The following CACNA1A variants were observed in gnomAD, a reference collection of about 807,000 sequenced individuals.
CACNA1A encodes the protein calcium voltage-gated channel subunit alpha1 A.
In CACNA1A, 57 loss-of-function variants were observed where a neutral mutation model predicts 262.4. The ratio of observed to expected loss-of-function variants is 0.22; its 90% CI spans 0.18 to 0.27. The LOEUF (loss-of-function observed/expected upper bound fraction) is 0.27. CACNA1A is among the 10% of genes least tolerant of loss of function. The pLI, the probability that CACNA1A is intolerant of heterozygous loss-of-function variation, is 1.00. For synonymous variants in CACNA1A, 1,431 were observed against 1,419.3 expected (o/e 1.01, Z -0.18); for missense variants, 2,526 against 3,562.8 (o/e 0.71, Z 7.41).
chr19:13,339,039 T>C (rs1190848394), intron 6 of CACNA1A, among the ~76,000 whole-genome samples: 1 of 152,112 alleles, frequency 6.6e-6, no homozygotes, highest in Non-Finnish European at 1.5e-5. Context: ...CTAATTTTTG[T>C]ATTTTTAGTA....
rs770936656 is a variant in CACNA1A at position 13,228,790 on chromosome 19, C to T, written c.5529-1263G>A. On this transcript the variant is annotated intron_variant, in intron 36 of 46. Transcript: ENST00000360228. ...ACTGTACATATCCTTATAATGAATCCGACCGCTGAAAGGAGAAGAAAGGGG... is the reference window on the plus strand; with the variant it reads ...ACTGTACATATCCTTATAATGAATCTGACCGCTGAAAGGAGAAGAAAGGGG... 5.7e-6 allele frequency: 9 copies of T among 1,579,890 alleles called. No homozygotes were observed. Among genetic ancestry groups the T allele is most frequent in the African/African-American group, 1.4e-5 (1 of 73,142 alleles).
At chr19:13,429,486 CCCCCTCACTGTG>C (rs2060466485) in intron 3 of CACNA1A, among the ~76,000 whole-genome samples, 1 of 150,654 alleles carries the variant, frequency 6.6e-6, no homozygotes, top group African/African-American at 2.4e-5. Flanking sequence ...AGATGTGTGC[CCCCCTCACTGTG>C]CCCCTCACTC....
chr19:13,294,215 AAAAAC>A (rs2057610287), intron 19 of CACNA1A, among the ~76,000 whole-genome samples: 2 of 149,616 alleles, frequency 1.3e-5, no homozygotes, highest in South Asian at 2.2e-4. Flanking sequence ...AAAAAAAAAA[AAAAAC>A]AAACAAAACC....
rs1249140005 is a variant in CACNA1A, at chr19:13,212,791, C to T, written c.5941-51G>A. 7.1e-5 allele frequency: 64 copies of T among 900,362 alleles called. No homozygotes were observed. The highest frequency in any genetic ancestry group is 1.8e-4 in the Admixed American group (6 of 33,712). The allele number at this position is 900,362 out of a possible 1,614,324, so 55.8% of individuals were successfully genotyped here. A position where few individuals can be genotyped will look rare whatever the true frequency, so the allele number is the denominator to read the frequency against. On this transcript the variant is annotated intron_variant, in intron 40 of 46. Transcript: ENST00000360228. The surrounding 1 kb of genome is among the most constrained non-coding windows in gnomAD (Gnocchi z 5.6). ...TGTGGACAAGGGTGGGGTGGTGGGA[C>T]GGTGGTACCCAGAAGGCATTGCGAC...
At chr19:13,382,961 C>T (rs2059548193) in intron 3 of CACNA1A, among the ~76,000 whole-genome samples, 1 of 152,076 alleles carries the variant, frequency 6.6e-6, no homozygotes. Context: ...GAACTCGAAC[C>T]CCAGACCAGC....
intron 1 of CACNA1A, among the ~76,000 whole-genome samples, chr19:13,472,365 A>T (rs985824233): frequency 2.0e-5 from 3 of 152,084 alleles, no homozygotes; most frequent in African/African-American, 7.2e-5. Context: ...ATGTATATAT[A>T]TTTAAAGTAA....
intron 19 of CACNA1A, among the ~76,000 whole-genome samples, chr19:13,289,545 G>A (rs867294603): frequency 1.1e-4 from 17 of 152,134 alleles, no homozygotes; most frequent in South Asian, 8.3e-4. Flanking sequence ...AACAGGAGTA[G>A]AACCTTCCCC....
At chr19:13,253,779 A>C (rs958421934) in intron 29 of CACNA1A, among the ~76,000 whole-genome samples, 1 of 150,790 alleles carries the variant, frequency 6.6e-6, no homozygotes, top group Non-Finnish European at 1.5e-5. Flanking sequence ...TCACTCTGTT[A>C]CCCAGGCTGG....
At chr19:13,383,374 G>A (rs1488534554) in intron 3 of CACNA1A, among the ~76,000 whole-genome samples, 4 of 152,188 alleles carry the variant, frequency 2.6e-5, no homozygotes, top group African/African-American at 4.8e-5. Flanking sequence ...AGATGGGGAA[G>A]ATGGAGGAAG....
At chr19:13,332,979 CT>C in intron 8 of CACNA1A, 54 bp from the exon 9 acceptor site, 1 of 1,409,908 alleles carries the variant, frequency 7.1e-7, no homozygotes, top group Non-Finnish European at 1.0e-6. Context: ...TGAGTTCTCC[CT>C]TGGACCAGGA....
Position 13,208,035 on chromosome 19 carries a change from C to G in CACNA1A, c.6799G>C (p.Gly2267Arg), listed in dbSNP as rs1394799665. Reference protein sequence around the residue: ...AHRQGSSSVSGSPAPSTSGTS... With the variant: ...AHRQGSSSVSRSPAPSTSGTS... ...CCAGATGTTGAGGGGGCTGGGCTTC[C>G]ACTTACGGAACTACTGCCCTACACG... is the stretch of plus-strand genomic sequence containing the variant. Residue 2267 changes from glycine (G) to arginine (R), a missense_variant, in exon 47 of 47, where the codon GGA becomes CGA. By Grantham distance (125) the Gly-to-Arg change is moderately radical. Transcript: ENST00000360228. 7.7e-7 allele frequency: 1 copy of G among 1,300,926 alleles called. No homozygotes were observed. Among genetic ancestry groups the G allele is most frequent in the Non-Finnish European group, 9.7e-7 (1 of 1,029,006 alleles). The allele number at this position is 1,300,926 out of a possible 1,614,324, so 80.6% of individuals were successfully genotyped here.
At chr19:13,485,760 C>A (rs1173097273) in intron 1 of CACNA1A, among the ~76,000 whole-genome samples, 1 of 152,196 alleles carries the variant, frequency 6.6e-6, no homozygotes, top group Non-Finnish European at 1.5e-5. Context: ...TCACCCACCA[C>A]CGGCAGGAGT....
chr19:13,461,335 G>A (rs938668747), intron 1 of CACNA1A, among the ~76,000 whole-genome samples: 10 of 129,892 alleles, frequency 7.7e-5, no homozygotes, highest in South Asian at 2.6e-4. Context: ...ACGAGACTCC[G>A]TCTCAAAAAC....
chr19:13,306,961 C>A (rs1000227534), intron 15 of CACNA1A, among the ~76,000 whole-genome samples: 1 of 152,010 alleles, frequency 6.6e-6, no homozygotes, highest in Non-Finnish European at 1.5e-5. Flanking sequence ...GTGAGTATAA[C>A]AAACTTTCTT....
At chr19:13,453,719 C>T (rs2060956507) in intron 2 of CACNA1A, among the ~76,000 whole-genome samples, 1 of 152,218 alleles carries the variant, frequency 6.6e-6, no homozygotes, top group Admixed American at 6.5e-5. Flanking sequence ...AAGCTACAAG[C>T]TCTTCTCCAT....
At chr19:13,298,455 T>C (rs1262016328) in intron 19 of CACNA1A, 89 bp downstream of exon 19, 5 of 1,235,554 alleles carry the variant, frequency 4.0e-6, no homozygotes, top group Non-Finnish European at 4.5e-6. Flanking sequence ...AATATATTTT[T>C]ATAAACAAAT....
chr19:13,473,695 C>T (rs906442542), intron 1 of CACNA1A, among the ~76,000 whole-genome samples: 1 of 152,160 alleles, frequency 6.6e-6, no homozygotes, highest in Admixed American at 6.5e-5. Context: ...ATCTGTCCTG[C>T]CCACTGTCAT....
intron 24 of CACNA1A, among the ~76,000 whole-genome samples, chr19:13,267,908 G>A (rs1318742194): frequency 6.6e-6 from 1 of 151,958 alleles, no homozygotes; most frequent in East Asian, 2.0e-4. Flanking sequence ...AGCCTCCCAA[G>A]TAGCTGGAAA....
At position 13,245,034 on chromosome 19, in the gene CACNA1A, C is replaced by G. The variant is rs140117385; in HGVS notation, c.4950+148G>C. On this transcript the variant is annotated intron_variant, in intron 31 of 46. Coordinates refer to ENST00000360228, the MANE Select transcript of CACNA1A (RefSeq NM_001127222.2). Reference sequence around the variant, plus strand: ...AGGGGCTGCCCTTGTCCCCGGGGCCCCAGTTCTCCCTCTCTGGTCATGGCC... The same window carrying G: ...AGGGGCTGCCCTTGTCCCCGGGGCCGCAGTTCTCCCTCTCTGGTCATGGCC... The G allele has an allele frequency of 9.9e-4, 669 of 676,718 alleles. 2 individuals are homozygous for G. Among genetic ancestry groups the G allele is most frequent in the African/African-American group, 6.8e-3 (383 of 56,058 alleles). The allele number at this position is 676,718 out of a possible 1,614,324, so 41.9% of individuals were successfully genotyped here.
Sources: gnomAD v4.1 joint callset for allele counts (sites outside exome capture counted in the v4.1 genomes callset) on GRCh38, gnomAD v4.1.1 for gene constraint, Gnocchi (gnomAD v3.1) non-coding constraint, MANE v1.5 for transcripts, NCBI Gene and HGNC (gene_info 2026-07-23, HGNC 2026-07-21) for gene names.